The following SLC35F3 variants were observed in gnomAD, a reference collection of about 807,000 sequenced individuals.
SLC35F3 encodes putative thiamine transporter SLC35F3.
A neutral mutation model predicts 49.9 loss-of-function variants in SLC35F3; 25 were observed. The observed-to-expected ratio is 0.50, with a 90% CI of 0.37 to 0.70. The LOEUF (loss-of-function observed/expected upper bound fraction) is 0.70, where lower values mean the gene tolerates loss of function less well. Among genes scored for constraint, SLC35F3 ranks in the 30% least tolerant of loss-of-function variants. The pLI, the probability that SLC35F3 is intolerant of heterozygous loss-of-function variation, is 0.00. For synonymous variants in SLC35F3, 275 were observed against 265.4 expected, an observed-to-expected ratio of 1.04 and a Z score of -0.35; for missense variants, 525 against 639.8, an observed-to-expected ratio of 0.82 and a Z score of 1.94.
In SLC35F3 at chr1:234,236,925, T is replaced by TTTTATATATATA. The variant is rs1553317673; in HGVS notation, c.608+5185_608+5186insTTATATATATAT. ...AGACAGTCTCCTATTAAAAAAAAAA[T>TTTTATATATATA]TATATATATATATATATATATATAT... On this transcript the variant is annotated intron_variant, in intron 3 of 7. Transcript: ENST00000366618. Among the ~76,000 whole-genome samples the TTTTATATATATA allele has an allele frequency of 1.0e-4, 10 of 96,294 alleles. No individual in the cohort carries two copies. In the East Asian group the frequency reaches 1.6e-3, roughly 15 times the overall value. 63.2% of individuals were successfully genotyped at this position (96,294 alleles called of 152,430 possible).
At chr1:234,001,617 G>A (rs540228738) in intron 2 of SLC35F3, among the ~76,000 whole-genome samples, 1 of 152,294 alleles carries the variant, frequency 6.6e-6, no homozygotes, top group East Asian at 1.9e-4. Context: ...GAGGCCAACA[G>A]AAGTGACCAG....
chr1:233,942,495 C>T (rs925744060), intron 2 of SLC35F3, among the ~76,000 whole-genome samples: 2 of 152,116 alleles, frequency 1.3e-5, no homozygotes, highest in African/African-American at 4.8e-5. Flanking sequence ...AATCATGGCT[C>T]ACTGCAGCCT....
At chr1:234,097,097 C>G (rs1476632530) in intron 2 of SLC35F3, among the ~76,000 whole-genome samples, 2 of 152,102 alleles carry the variant, frequency 1.3e-5, no homozygotes, top group Non-Finnish European at 2.9e-5. Flanking sequence ...TCACGTTGGT[C>G]AGGCTGGTCT....
chr1:234,034,274 C>T (rs1558210945), intron 2 of SLC35F3, among the ~76,000 whole-genome samples: 1 of 152,152 alleles, frequency 6.6e-6, no homozygotes, highest in African/African-American at 2.4e-5. Context: ...TTAGGGTATA[C>T]AATCATATCA....
chr1:234,152,305 T>C (rs1666088757), intron 2 of SLC35F3, among the ~76,000 whole-genome samples: 1 of 151,892 alleles, frequency 6.6e-6, no homozygotes, highest in Non-Finnish European at 1.5e-5. Flanking sequence ...TACATAGGAA[T>C]ACACGTGCCA....
chr1:234,082,269 C>T (rs968277295), intron 2 of SLC35F3, among the ~76,000 whole-genome samples: 4 of 152,066 alleles, frequency 2.6e-5, no homozygotes, highest in Admixed American at 6.6e-5. Context: ...GACAACTTCT[C>T]GGAGAAGTAC....
chr1:234,263,346 T>A (rs1667933363), intron 3 of SLC35F3, among the ~76,000 whole-genome samples: 1 of 152,194 alleles, frequency 6.6e-6, no homozygotes, highest in African/African-American at 2.4e-5. Context: ...TACAGGAATT[T>A]CTGATGAGAA....
intron 2 of SLC35F3, among the ~76,000 whole-genome samples, chr1:234,152,484 T>G (rs929155571): frequency 1.3e-5 from 2 of 152,140 alleles, no homozygotes; most frequent in African/African-American, 4.8e-5. Flanking sequence ...AGTGTTTGGT[T>G]TTCTGTTCCT....
chr1:234,239,006 G>A (rs537318176), intron 3 of SLC35F3, among the ~76,000 whole-genome samples: 6 of 152,300 alleles, frequency 3.9e-5, no homozygotes, highest in African/African-American at 1.4e-4. Flanking sequence ...TGTGTTTAAG[G>A]TGCGGGTTTG....
intron 2 of SLC35F3, among the ~76,000 whole-genome samples, chr1:234,078,487 C>T (rs1010679555): frequency 1.4e-4 from 21 of 152,160 alleles, no homozygotes; most frequent in Non-Finnish European, 2.4e-4. Context: ...ACTCATCTTC[C>T]GCAACAGTCA....
At chr1:234,053,047 T>C (rs931815521) in intron 2 of SLC35F3, among the ~76,000 whole-genome samples, 2 of 152,224 alleles carry the variant, frequency 1.3e-5, no homozygotes, top group African/African-American at 4.8e-5. Flanking sequence ...TGAGGAGTGC[T>C]TTACTTCCAA....
intron 2 of SLC35F3, among the ~76,000 whole-genome samples, chr1:234,079,184 G>T (rs1055790727): frequency 6.6e-6 from 1 of 152,158 alleles, no homozygotes; most frequent in Admixed American, 6.5e-5. Context: ...TAAATAATCA[G>T]TTGATTTTCA....
chr1:234,310,746 T>G (rs1031466395), intron 4 of SLC35F3, among the ~76,000 whole-genome samples: 1 of 152,244 alleles, frequency 6.6e-6, no homozygotes, highest in African/African-American at 2.4e-5. Context: ...TGAGACCCTG[T>G]TCCTGGGAAG....
intron 2 of SLC35F3, among the ~76,000 whole-genome samples, chr1:234,091,259 A>T (rs147109579): frequency 3.3e-5 from 5 of 152,204 alleles, no homozygotes; most frequent in African/African-American, 9.7e-5. Flanking sequence ...CTGAGGCACT[A>T]TCACCCTACC....
chr1:234,263,548 C>A (rs76025103), intron 3 of SLC35F3, among the ~76,000 whole-genome samples: 1 of 152,020 alleles, frequency 6.6e-6, no homozygotes, highest in Admixed American at 6.5e-5. Context: ...ATCCCTGGAG[C>A]AAGAACATGA....
intron 2 of SLC35F3, among the ~76,000 whole-genome samples, chr1:234,206,834 G>C (rs1666978283): frequency 6.6e-6 from 1 of 152,138 alleles, no homozygotes; most frequent in Admixed American, 6.5e-5. Flanking sequence ...AGCCTCCGAG[G>C]ACCTCATTGA....
At chr1:234,122,552 T>C (rs1471886778) in intron 2 of SLC35F3, among the ~76,000 whole-genome samples, 1 of 152,186 alleles carries the variant, frequency 6.6e-6, no homozygotes, top group East Asian at 1.9e-4. Context: ...GCTGCACCTA[T>C]CAACCCATCA....
At chr1:234,009,213 G>A (rs1663676921) in intron 2 of SLC35F3, among the ~76,000 whole-genome samples, 1 of 152,128 alleles carries the variant, frequency 6.6e-6, no homozygotes, top group African/African-American at 2.4e-5. Flanking sequence ...AATGAATATA[G>A]GCTTTTTTCC....
intron 2 of SLC35F3, among the ~76,000 whole-genome samples, chr1:233,977,510 C>A (rs1365483919): frequency 6.6e-6 from 1 of 152,180 alleles, no homozygotes; most frequent in Non-Finnish European, 1.5e-5. Flanking sequence ...GCTGCACGTA[C>A]AACAGTGGCC....
Sources: gnomAD v4.1 joint callset for allele counts (sites outside exome capture counted in the v4.1 genomes callset) on GRCh38, gnomAD v4.1.1 for gene constraint, MANE v1.5 for transcripts, NCBI Gene and HGNC (gene_info 2026-07-23, HGNC 2026-07-21) for gene names.